ATRNL1: variants seen among roughly 807,000 people sequenced by gnomAD.
The protein encoded by ATRNL1 is attractin like 1.
ATRNL1 carries 95 observed loss-of-function variants against 182.7 expected under a neutral mutation model. The ratio of observed to expected loss-of-function variants is 0.52; its 90% confidence interval spans 0.44 to 0.62. ATRNL1 has a LOEUF of 0.62. Among genes scored for constraint, ATRNL1 ranks in the 20% least tolerant of loss-of-function variants. The pLI is 0.00. For synonymous variants in ATRNL1, 576 were observed against 568.3 expected, an observed-to-expected ratio of 1.01 and a Z score of -0.19; for missense variants, 1,471 against 1,679.5, an observed-to-expected ratio of 0.88 and a Z score of 2.17.
intron 25 of ATRNL1, among the ~76,000 whole-genome samples, chr10:115,536,207 C>A (rs1403399584): frequency 1.3e-5 from 2 of 152,110 alleles, no homozygotes; most frequent in African/African-American, 4.8e-5. Context: ...GTGCCCTGCC[C>A]CCAGAGGTGG....
intron 28 of ATRNL1, among the ~76,000 whole-genome samples, chr10:115,892,936 T>C (rs1304640766): frequency 6.6e-6 from 1 of 152,242 alleles, no homozygotes; most frequent in Non-Finnish European, 1.5e-5. Flanking sequence ...ATTAATACTT[T>C]AGAGAGACTC....
chr10:115,929,674 G>A (rs1555121118), intron 28 of ATRNL1, among the ~76,000 whole-genome samples: 1 of 151,920 alleles, frequency 6.6e-6, no homozygotes, highest in Non-Finnish European at 1.5e-5. Flanking sequence ...TAATATTTTT[G>A]CACCCACTTT....
At chr10:115,218,452 T>C (rs1288637818) in intron 9 of ATRNL1, among the ~76,000 whole-genome samples, 2 of 152,228 alleles carry the variant, frequency 1.3e-5, no homozygotes, top group East Asian at 3.8e-4. Context: ...GTTGATCCTC[T>C]TCTAGCATGG....
intron 24 of ATRNL1, among the ~76,000 whole-genome samples, chr10:115,492,354 T>C (rs1035425460): frequency 2.0e-5 from 3 of 152,144 alleles, no homozygotes; most frequent in African/African-American, 7.2e-5. Context: ...TCATTATAAC[T>C]GACAATTTAC....
chr10:115,808,778 G>A (rs1372108355), intron 27 of ATRNL1, among the ~76,000 whole-genome samples: 2 of 152,102 alleles, frequency 1.3e-5, no homozygotes, highest in Non-Finnish European at 2.9e-5. Flanking sequence ...CCGAGGTTGA[G>A]CATCTTTTCA....
chr10:115,846,029 C>A (rs928642240), intron 27 of ATRNL1, among the ~76,000 whole-genome samples: 7 of 152,136 alleles, frequency 4.6e-5, no homozygotes, highest in African/African-American at 1.7e-4. Flanking sequence ...ATATTTACAT[C>A]ACTGGAGAAT....
At chr10:115,764,989 T>C (rs986185416) in intron 27 of ATRNL1, among the ~76,000 whole-genome samples, 1 of 152,220 alleles carries the variant, frequency 6.6e-6, no homozygotes, top group Non-Finnish European at 1.5e-5. Context: ...CATGTCTTTT[T>C]ATGTCCTGAT....
chr10:115,662,112 C>A (rs1005881637), intron 26 of ATRNL1, among the ~76,000 whole-genome samples: 1 of 152,020 alleles, frequency 6.6e-6, no homozygotes, highest in East Asian at 1.9e-4. Flanking sequence ...ATGAACTCAT[C>A]ATTTTTTATG....
chr10:115,728,948 A>G (rs570415409), intron 27 of ATRNL1, among the ~76,000 whole-genome samples: 1 of 152,312 alleles, frequency 6.6e-6, no homozygotes, highest in South Asian at 2.1e-4. Context: ...AACTTAGACT[A>G]TTTTTGGACT....
At chr10:115,492,952 T>C (rs1359599916) in intron 24 of ATRNL1, among the ~76,000 whole-genome samples, 2 of 152,134 alleles carry the variant, frequency 1.3e-5, no homozygotes, top group African/African-American at 4.8e-5. Context: ...CTTACTAAAG[T>C]ATTTTTTGAT....
In ATRNL1 at chr10:115,469,331, T is replaced by C; in HGVS notation, c.3654+2T>C. 1 of 1,511,768 alleles carries C rather than the reference T, an allele frequency of 6.6e-7. No homozygotes were observed. The highest frequency in any genetic ancestry group is 8.9e-7 in the Non-Finnish European group (1 of 1,129,864). 93.6% of individuals were successfully genotyped at this position (1,511,768 alleles called of 1,614,324 possible). ...TTTTCCTGGCCTATTAAAATACAGGTAAGTGTTAAGAGTATTTACTTCTAA... is the reference window on the plus strand; with the variant it reads ...TTTTCCTGGCCTATTAAAATACAGGCAAGTGTTAAGAGTATTTACTTCTAA... On this transcript the variant is annotated splice_donor_variant, in intron 24 of 28. Coordinates refer to ENST00000355044, the MANE Select transcript of ATRNL1 (RefSeq NM_207303.4). LOFTEE classifies it high-confidence loss of function.
chr10:115,551,215 T>C (rs1304141735), intron 26 of ATRNL1, among the ~76,000 whole-genome samples: 2 of 151,704 alleles, frequency 1.3e-5, no homozygotes, highest in Non-Finnish European at 3.0e-5. Context: ...GCTATAAAAC[T>C]TTCATACTTC....
At chr10:115,443,052 A>C (rs1846773681) in intron 21 of ATRNL1, among the ~76,000 whole-genome samples, 1 of 151,914 alleles carries the variant, frequency 6.6e-6, no homozygotes, top group African/African-American at 2.4e-5. Flanking sequence ...CTGGGATTTC[A>C]TTTGGTTTGG....
intron 1 of ATRNL1, among the ~76,000 whole-genome samples, chr10:115,115,479 A>G (rs2143573215): frequency 1.3e-5 from 2 of 152,236 alleles, no homozygotes; most frequent in Middle Eastern, 3.4e-3. Context: ...TCTGCAATGT[A>G]TACATGTATT....
intron 28 of ATRNL1, among the ~76,000 whole-genome samples, chr10:115,863,157 A>G (rs782493233): frequency 2.0e-5 from 3 of 152,214 alleles, no homozygotes; most frequent in African/African-American, 7.2e-5. Context: ...ACTTTTGTAT[A>G]TAACTCTGAC....
chr10:115,406,987 T>G (rs2134322700), intron 20 of ATRNL1, among the ~76,000 whole-genome samples: 1 of 152,306 alleles, frequency 6.6e-6, no homozygotes, highest in African/African-American at 2.4e-5. Flanking sequence ...ATTTTTGGCC[T>G]GAAGGTTTTA....
At chr10:115,690,414 C>T (rs188428313) in intron 26 of ATRNL1, among the ~76,000 whole-genome samples, 50 of 152,236 alleles carry the variant, frequency 3.3e-4, no homozygotes, top group Middle Eastern at 3.4e-3. Flanking sequence ...GGTTCTCGCT[C>T]CTGTGAGAAT....
intron 9 of ATRNL1, among the ~76,000 whole-genome samples, chr10:115,219,851 C>T (rs947885813): frequency 5.3e-5 from 8 of 151,824 alleles, no homozygotes; most frequent in Non-Finnish European, 1.2e-4. Context: ...TGTGGTGAGC[C>T]GAGATCGTGC....
At chr10:115,315,877 A>G (rs1203352612) in intron 18 of ATRNL1, 141 bp downstream of exon 18, 1 of 676,642 alleles carries the variant, frequency 1.5e-6, no homozygotes, top group East Asian at 2.7e-5. Flanking sequence ...ATAAAAAATT[A>G]TTCCATAGAC....
Sources: gnomAD v4.1 joint callset for allele counts (sites outside exome capture counted in the v4.1 genomes callset) on GRCh38, gnomAD v4.1.1 for gene constraint, MANE v1.5 for transcripts, NCBI Gene and HGNC (gene_info 2026-07-23, HGNC 2026-07-21) for gene names.